The following MGAT4C variants were observed in gnomAD, a reference collection of about 807,000 sequenced individuals.
The protein encoded by MGAT4C is alpha-1,3-mannosyl-glycoprotein 4-beta-N-acetylglucosaminyltransferase C.
In MGAT4C, 19 loss-of-function variants were observed where a neutral mutation model predicts 40.1. The ratio of observed to expected loss-of-function variants is 0.47; its 90% CI spans 0.33 to 0.70. The LOEUF is 0.70. Among genes scored for constraint, MGAT4C ranks in the 30% least tolerant of loss-of-function variants. The probability of loss-of-function intolerance (pLI) is 0.02; values close to 1 mark genes in which losing one functional copy is unlikely to be tolerated. For missense variants in MGAT4C, 491 were observed against 563.2 expected, an observed-to-expected ratio of 0.87 and a Z score of 1.30; for synonymous variants, 181 against 187.1, an observed-to-expected ratio of 0.97 and a Z score of 0.27.
intron 1 of MGAT4C, among the ~76,000 whole-genome samples, chr12:86,739,467 G>T (rs1285291504): frequency 1.3e-5 from 2 of 150,524 alleles, no homozygotes; most frequent in African/African-American, 4.9e-5. Context: ...TATACAGTTA[G>T]CCCTCCATAT....
intron 3 of MGAT4C, among the ~76,000 whole-genome samples, chr12:86,382,842 G>A (rs942670230): frequency 3.3e-5 from 5 of 152,216 alleles, no homozygotes; most frequent in African/African-American, 1.2e-4. Context: ...TCATGAATTG[G>A]GGTTTGGGAG....
intron 2 of MGAT4C, among the ~76,000 whole-genome samples, chr12:86,717,726 C>G (rs552404681): frequency 1.3e-5 from 2 of 152,184 alleles, no homozygotes; most frequent in East Asian, 3.9e-4. Context: ...AATAAACACT[C>G]AAGGTGAGCC....
intron 2 of MGAT4C, among the ~76,000 whole-genome samples, chr12:86,022,040 TATTAA>T (rs1216408820): frequency 6.6e-6 from 1 of 152,210 alleles, no homozygotes; most frequent in Non-Finnish European, 1.5e-5. Flanking sequence ...TTAAGCTTGT[TATTAA>T]ATTCTAAAAA....
At chr12:86,196,645 C>T (rs1949819690) in intron 1 of MGAT4C, among the ~76,000 whole-genome samples, 1 of 152,212 alleles carries the variant, frequency 6.6e-6, no homozygotes, top group African/African-American at 2.4e-5. Flanking sequence ...AGTCTGACAG[C>T]CTTCCTTTAT....
chr12:86,452,638 G>A (rs183652424), intron 2 of MGAT4C, among the ~76,000 whole-genome samples: 147 of 151,678 alleles, frequency 9.7e-4, no homozygotes, highest in African/African-American at 3.3e-3. Flanking sequence ...CTGAATATAG[G>A]GCCAAATTAT....
chr12:86,069,074 G>T (rs1048338613), intron 1 of MGAT4C, among the ~76,000 whole-genome samples: 1 of 152,014 alleles, frequency 6.6e-6, no homozygotes, highest in South Asian at 2.1e-4. Context: ...CTGCTGCTGC[G>T]GTGCCCTCAG....
At position 86,776,775 on chromosome 12, in the gene MGAT4C, C is replaced by T. The variant is rs538828045; in HGVS notation, c.-261-49534G>A. Reference sequence around the variant, plus strand: ...ACGATCTAGTATAGTGTTTTGTACACGTTAGATTACTTCCTTCTCACACTT... The same window carrying T: ...ACGATCTAGTATAGTGTTTTGTACATGTTAGATTACTTCCTTCTCACACTT... On this transcript the variant is annotated intron_variant, in intron 1 of 7. Coordinates refer to the MGAT4C transcript ENST00000548651. Among the ~76,000 whole-genome samples the T allele has an allele frequency of 9.9e-5, 15 of 151,974 alleles. No homozygotes were observed. In the East Asian group the frequency reaches 2.3e-3, roughly 23 times the overall value.
intron 2 of MGAT4C, among the ~76,000 whole-genome samples, chr12:85,995,588 C>T (rs11117148): frequency 0.24 from 36,260 of 152,032 alleles, 5,123 homozygotes; most frequent in Non-Finnish European, 0.32. Context: ...TACTCAGAGG[C>T]CAGCTGCGGT....
At chr12:86,764,948 A>T (rs1951477087) in intron 1 of MGAT4C, among the ~76,000 whole-genome samples, 1 of 152,150 alleles carries the variant, frequency 6.6e-6, no homozygotes, top group Non-Finnish European at 1.5e-5. Context: ...AAACTCTAAA[A>T]AGCAGAGCGC....
intron 2 of MGAT4C, among the ~76,000 whole-genome samples, chr12:86,509,281 C>T (rs1411662605): frequency 6.6e-6 from 1 of 152,188 alleles, no homozygotes; most frequent in African/African-American, 2.4e-5. Flanking sequence ...CTACATATGG[C>T]TAGCCAGTTT....
At chr12:85,991,566 C>T (rs1465823849) in intron 2 of MGAT4C, among the ~76,000 whole-genome samples, 2 of 152,176 alleles carry the variant, frequency 1.3e-5, no homozygotes, top group East Asian at 1.9e-4. Flanking sequence ...ACACCCTCAG[C>T]CCCCTCCTTG....
intron 2 of MGAT4C, among the ~76,000 whole-genome samples, chr12:86,481,620 T>C (rs183461945): frequency 7.2e-5 from 11 of 152,082 alleles, no homozygotes; most frequent in Admixed American, 5.2e-4. Flanking sequence ...GATATGATTA[T>C]CATTATACAC....
At chr12:86,276,420 C>T (rs924247047) in intron 4 of MGAT4C, among the ~76,000 whole-genome samples, 2 of 152,140 alleles carry the variant, frequency 1.3e-5, no homozygotes, top group Non-Finnish European at 2.9e-5. Context: ...ATGTTACAAA[C>T]AATCCAATTA....
At chr12:86,407,273 C>T (rs1178907147) in intron 3 of MGAT4C, among the ~76,000 whole-genome samples, 3 of 151,982 alleles carry the variant, frequency 2.0e-5, no homozygotes, top group East Asian at 3.9e-4. Flanking sequence ...AATTGAGTAT[C>T]CTTATCAACA....
rs981090682 is a variant in MGAT4C at position 86,834,200 on chromosome 12, ATATAGATATAGATATAGG to A, written c.-262+4448_-262+4465del. 1.1e-4 allele frequency among the ~76,000 whole-genome samples: 16 copies of A among 146,174 alleles called. No individual in the cohort carries two copies. In the East Asian group the frequency reaches 1.2e-3, roughly 11 times the overall value. ...GATATAGATATAGATATAGATATAG[ATATAGATATAGATATAGG>A]TCCATCTATAGATAGGTAGATAGAT... On this transcript the variant is annotated intron_variant, in intron 1 of 7. Coordinates refer to the MGAT4C transcript ENST00000548651.
At chr12:86,730,152 G>T in intron 1 of MGAT4C, among the ~76,000 whole-genome samples, 1 of 151,498 alleles carries the variant, frequency 6.6e-6, no homozygotes, top group Non-Finnish European at 1.5e-5. Flanking sequence ...AAATCTGGTC[G>T]AACATAAATA....
Position 86,505,347 on chromosome 12 carries a change from G to C in MGAT4C, c.-228-70082C>G, listed in dbSNP as rs113369091. Among the ~76,000 whole-genome samples, 524 of 152,226 alleles carry C rather than the reference G, an allele frequency of 3.4e-3. 5 individuals carry two copies. The highest frequency in any genetic ancestry group is 0.012 in the African/African-American group (506 of 41,530). On this transcript the variant is annotated intron_variant, in intron 2 of 7. Coordinates refer to the MGAT4C transcript ENST00000548651. The stretch of plus-strand genomic sequence containing the variant: ...CTCAATGCAGGAGATGATGAATAAG[G>C]CTCCAGCACATGATCAAGAAAATTC...
intron 1 of MGAT4C, among the ~76,000 whole-genome samples, chr12:86,066,879 C>T (rs1487448168): frequency 1.3e-5 from 2 of 151,998 alleles, no homozygotes; most frequent in Non-Finnish European, 2.9e-5. Flanking sequence ...AAAACCACCA[C>T]ATCAAAAAGT....
intron 1 of MGAT4C, among the ~76,000 whole-genome samples, chr12:86,066,937 G>C (rs904086794): frequency 1.3e-5 from 2 of 152,090 alleles, no homozygotes; most frequent in Non-Finnish European, 2.9e-5. Flanking sequence ...CATTTATGCA[G>C]CCTAAAAATA....
Sources: allele counts gnomAD v4.1 joint callset (sites outside exome capture counted in the v4.1 genomes callset), GRCh38; gene constraint gnomAD v4.1.1; transcripts MANE v1.5; gene names NCBI Gene and HGNC (gene_info 2026-07-23, HGNC 2026-07-21).